HTR4: variants seen among roughly 807,000 people sequenced by gnomAD.
The protein encoded by HTR4 is 5-hydroxytryptamine receptor 4.
Under a neutral mutation model 36.8 loss-of-function variants are expected in HTR4, and 16 were observed. The observed-to-expected ratio is 0.43, with a 90% confidence interval of 0.29 to 0.66. The LOEUF is 0.66. Ranked by LOEUF, HTR4 falls within the 30% of genes least tolerant of loss-of-function variation. The pLI, the probability that HTR4 is intolerant of heterozygous loss-of-function variation, is 0.13. For synonymous variants in HTR4, 189 were observed against 185.1 expected (o/e 1.02, Z -0.17); for missense variants, 438 against 490.9 (o/e 0.89, Z 1.02).
intron 6 of HTR4, among the ~76,000 whole-genome samples, chr5:148,495,179 T>C (rs1449160134): frequency 6.6e-6 from 1 of 152,210 alleles, no homozygotes; most frequent in Non-Finnish European, 1.5e-5. Flanking sequence ...TGTTGCCTAA[T>C]TTATAAATAG....
chr5:148,526,286 C>T (rs1467510628), intron 4 of HTR4, among the ~76,000 whole-genome samples: 1 of 152,150 alleles, frequency 6.6e-6, no homozygotes, highest in Non-Finnish European at 1.5e-5. Flanking sequence ...GCTTGAATGC[C>T]AGATATATCT....
chr5:148,512,417 C>T (rs532942525), intron 5 of HTR4, among the ~76,000 whole-genome samples: 1 of 152,206 alleles, frequency 6.6e-6, no homozygotes, highest in East Asian at 1.9e-4. Context: ...GGTATTTTCC[C>T]ATTTTAAAAA....
At chr5:148,651,609 C>T (rs564102810) in intron 1 of HTR4, among the ~76,000 whole-genome samples, 18 of 152,118 alleles carry the variant, frequency 1.2e-4, no homozygotes, top group African/African-American at 4.1e-4. Flanking sequence ...AGAGCACAGT[C>T]CTCACAACAA....
In HTR4 at chr5:148,610,640, G is replaced by A. The variant is rs1480884311; in HGVS notation, c.26+26349C>T. ...AGTGCCTCTCCTCCTCCAAAGGAACGCAGCTCCTCACCAGCAACGGAACAA... is the reference window on the plus strand; with the variant it reads ...AGTGCCTCTCCTCCTCCAAAGGAACACAGCTCCTCACCAGCAACGGAACAA... On this transcript the variant is annotated intron_variant, in intron 2 of 6. Transcript: ENST00000377888. 3.2e-4 allele frequency among the ~76,000 whole-genome samples: 49 copies of A among 152,116 alleles called. 1 individual carries two copies. The highest frequency in any genetic ancestry group is 1.8e-3 in the Admixed American group (28 of 15,262).
At chr5:148,489,008 CAG>C (rs202133770) in intron 6 of HTR4, among the ~76,000 whole-genome samples, 1,938 of 152,264 alleles carry the variant, frequency 0.013, 44 homozygotes, top group African/African-American at 0.043. Flanking sequence ...TTGTTTACCA[CAG>C]TTCCTAAATG....
chr5:148,590,763 A>G (rs62388996), intron 2 of HTR4, among the ~76,000 whole-genome samples: 1 of 149,122 alleles, frequency 6.7e-6, no homozygotes, highest in Non-Finnish European at 1.5e-5. Flanking sequence ...ATTTTCTCCC[A>G]TTCTCCCAAA....
At chr5:148,627,091 C>T (rs1343414224) in intron 2 of HTR4, among the ~76,000 whole-genome samples, 2 of 152,128 alleles carry the variant, frequency 1.3e-5, no homozygotes, top group Non-Finnish European at 2.9e-5. Flanking sequence ...TTTACTCTCA[C>T]TCTGTTCTTC....
intron 2 of HTR4, among the ~76,000 whole-genome samples, chr5:148,559,057 A>C (rs1760078240): frequency 6.6e-6 from 1 of 152,202 alleles, no homozygotes; most frequent in Non-Finnish European, 1.5e-5. Context: ...AGTTGGGCAA[A>C]GTCATCTGGC....
At chr5:148,620,722 A>G (rs1245425403) in intron 2 of HTR4, among the ~76,000 whole-genome samples, 1 of 152,220 alleles carries the variant, frequency 6.6e-6, no homozygotes, top group African/African-American at 2.4e-5. Flanking sequence ...TGTGGCTAGC[A>G]TCTGTGGTCT....
intron 2 of HTR4, among the ~76,000 whole-genome samples, chr5:148,611,740 G>A (rs1205375490): frequency 4.1e-4 from 62 of 151,522 alleles, no homozygotes; most frequent in Non-Finnish European, 5.5e-4. Flanking sequence ...GGCAAATTGG[G>A]TAAAGAGTCA....
At chr5:148,581,439 C>T (rs77950553) in intron 2 of HTR4, among the ~76,000 whole-genome samples, 35,254 of 151,630 alleles carry the variant, frequency 0.23, 4,989 homozygotes, top group African/African-American at 0.4. Flanking sequence ...AGAAGCTTTT[C>T]CCCTCTGTTT....
chr5:148,496,386 A>G (rs1368247194), intron 6 of HTR4, among the ~76,000 whole-genome samples: 1 of 152,148 alleles, frequency 6.6e-6, no homozygotes, highest in African/African-American at 2.4e-5. Context: ...GATCAAGAAA[A>G]ATAAAAATAA....
downstream of HTR4, among the ~76,000 whole-genome samples, chr5:148,472,192 T>G (rs1488956038): frequency 6.6e-6 from 1 of 152,186 alleles, no homozygotes; most frequent in African/African-American, 2.4e-5. Flanking sequence ...CCATTTTATC[T>G]TCAGCCCCAA....
intron 5 of HTR4, among the ~76,000 whole-genome samples, chr5:148,463,404 T>C (rs1755337651): frequency 6.6e-6 from 1 of 151,680 alleles, no homozygotes; most frequent in Non-Finnish European, 1.5e-5. Flanking sequence ...ATGGTCTCCA[T>C]CTCCTGACCT....
chr5:148,638,900 A>T (rs1376848573), intron 1 of HTR4, among the ~76,000 whole-genome samples: 1 of 151,858 alleles, frequency 6.6e-6, no homozygotes, highest in Non-Finnish European at 1.5e-5. Flanking sequence ...ACAAAAAATT[A>T]GATGGGCGTG....
intron 6 of HTR4, among the ~76,000 whole-genome samples, chr5:148,483,876 T>C (rs1444115569): frequency 6.6e-6 from 1 of 152,086 alleles, no homozygotes; most frequent in Non-Finnish European, 1.5e-5. Flanking sequence ...TGATCGTTTT[T>C]GATACAACAA....
intron 2 of HTR4, among the ~76,000 whole-genome samples, chr5:148,604,344 A>G (rs1752050995): frequency 6.6e-6 from 1 of 152,182 alleles, no homozygotes; most frequent in Non-Finnish European, 1.5e-5. Context: ...AAAATGAACA[A>G]AAGACTTGAA....
intron 2 of HTR4, among the ~76,000 whole-genome samples, chr5:148,635,012 A>AT (rs1156556756): frequency 3.3e-5 from 5 of 152,224 alleles, no homozygotes; most frequent in East Asian, 1.9e-4. Context: ...TACCCTTGTG[A>AT]TTTTTTTAAC....
chr5:148,555,428 A>G (rs545064683), intron 2 of HTR4, among the ~76,000 whole-genome samples: 1 of 152,328 alleles, frequency 6.6e-6, no homozygotes, highest in East Asian at 1.9e-4. Flanking sequence ...GAAATAGCTT[A>G]ACTTTAAACT....
Sources: gnomAD v4.1 joint callset for allele counts (sites outside exome capture counted in the v4.1 genomes callset) on GRCh38, gnomAD v4.1.1 for gene constraint, MANE v1.5 for transcripts, NCBI Gene and HGNC (gene_info 2026-07-23, HGNC 2026-07-21) for gene names.